The following GRIN2D variants were observed in gnomAD, a reference collection of about 807,000 sequenced individuals.
GRIN2D encodes glutamate ionotropic receptor NMDA type subunit 2D, also known as glutamate receptor ionotropic, NMDA 2D.
A neutral mutation model predicts 103.2 loss-of-function variants in GRIN2D; 37 were observed. The ratio of observed to expected loss-of-function variants is 0.36; its 90% confidence interval spans 0.28 to 0.47. The LOEUF is 0.47. Ranked by LOEUF, GRIN2D falls within the 20% of genes least tolerant of loss-of-function variation. The pLI is 1.00. For synonymous variants in GRIN2D, 845 were observed against 885.6 expected, an observed-to-expected ratio of 0.95 and a Z score of 0.81; for missense variants, 1,557 against 1,910.6, an observed-to-expected ratio of 0.81 and a Z score of 3.45.
chr19:48,405,351 T>C lies in GRIN2D; in HGVS notation c.1083T>C (p.His361=). The C allele has an allele frequency of 6.4e-7, 1 of 1,570,952 alleles. No individual in the cohort carries two copies. Among genetic ancestry groups the C allele is most frequent in the Non-Finnish European group, 8.6e-7 (1 of 1,159,062 alleles). ...GCACCCACCGCGGCGAGAGTCTGCA[T>C]AGGTGAGTGGGGCTGGAATGGGAGG... ...QNRTHRGESL[H]RYFMNITWDN... Residue 361 remains histidine, a splice_region_variant and synonymous_variant, in exon 4 of 14, where the codon CAT becomes CAC. Coordinates refer to ENST00000263269, the MANE Select transcript of GRIN2D (RefSeq NM_000836.4). This position sits in a 1 kb window ranked among gnomAD's most constrained non-coding sequence, Gnocchi z 5.1.
intron 11 of GRIN2D, among the ~76,000 whole-genome samples, chr19:48,427,760 C>T (rs940554015): frequency 1.3e-5 from 2 of 151,962 alleles, no homozygotes; most frequent in African/African-American, 2.4e-5. Context: ...GGATTACAGG[C>T]GTGAGCCACC....
At chr19:48,413,742 G>A (rs963199751) in intron 4 of GRIN2D, among the ~76,000 whole-genome samples, 16 of 150,946 alleles carry the variant, frequency 1.1e-4, no homozygotes, top group Non-Finnish European at 1.9e-4. Context: ...GGAAAGAAAA[G>A]GGGACTCTAG....
chr19:48,426,926 T>TCA (rs1461657051), intron 11 of GRIN2D, among the ~76,000 whole-genome samples: 7 of 152,010 alleles, frequency 4.6e-5, no homozygotes, highest in Non-Finnish European at 7.4e-5. Flanking sequence ...GTACAAGTGT[T>TCA]TGGGGGACAT....
intron 4 of GRIN2D, among the ~76,000 whole-genome samples, chr19:48,407,621 T>C (rs755957902): frequency 5.9e-5 from 9 of 152,198 alleles, no homozygotes; most frequent in Non-Finnish European, 1.2e-4. Context: ...ATTTATTGAT[T>C]GAAACGCCCT....
At position 48,419,444 on chromosome 19, in the gene GRIN2D, G is replaced by C. The variant is rs916206258; in HGVS notation, c.1861+85G>C. On this transcript the variant is annotated intron_variant, in intron 9 of 13. Coordinates refer to ENST00000263269, the MANE Select transcript of GRIN2D (RefSeq NM_000836.4). ...TACATTTCCCAGCAGCCCCTGGAGG[G>C]GGGGCGGTCAAGCTAGGGCCTCTCG... 2.5e-5 allele frequency: 38 copies of C among 1,512,140 alleles called. No individual in the cohort carries two copies. In the Admixed American group the frequency reaches 4.3e-4, roughly 17 times the overall value. 93.7% of individuals were successfully genotyped at this position (1,512,140 alleles called of 1,614,324 possible).
At chr19:48,402,104 G>A (rs1444642269) in intron 3 of GRIN2D, among the ~76,000 whole-genome samples, 2 of 135,996 alleles carry the variant, frequency 1.5e-5, no homozygotes, top group Non-Finnish European at 3.1e-5. Flanking sequence ...GAAAGAAAGA[G>A]AGAAAGAGAA....
At chr19:48,426,224 C>CTTTCTTT (rs1555893889) in intron 11 of GRIN2D, among the ~76,000 whole-genome samples, 1 of 120,118 alleles carries the variant, frequency 8.3e-6, no homozygotes, top group African/African-American at 3.6e-5. Context: ...TTCTTTCTTT[C>CTTTCTTT]TTTTTTTTTT....
intron 11 of GRIN2D, among the ~76,000 whole-genome samples, chr19:48,424,049 C>A (rs1210799259): frequency 1.3e-5 from 2 of 151,988 alleles, no homozygotes; most frequent in Non-Finnish European, 2.9e-5. Context: ...GAACTCCTGA[C>A]ATGAGGTGAT....
chr19:48,427,472 C>CTTTTTTTTTTTTT (rs1038381293), intron 11 of GRIN2D, among the ~76,000 whole-genome samples: 1 of 83,240 alleles, frequency 1.2e-5, no homozygotes. Context: ...ATCTTCTTTT[C>CTTTTTTTTTTTTT]TTTTTTTTTT....
chr19:48,420,405 G>A (rs278056), intron 10 of GRIN2D, among the ~76,000 whole-genome samples: 5,652 of 151,972 alleles, frequency 0.037, 259 homozygotes, highest in East Asian at 0.25. Context: ...TCCAGCCAGC[G>A]CGACAGAGTT....
At chr19:48,396,289 C>T (rs141668180) in intron 2 of GRIN2D, among the ~76,000 whole-genome samples, 1 of 151,898 alleles carries the variant, frequency 6.6e-6, no homozygotes. Context: ...CTCCTCAGGC[C>T]CTGGAGTGGG....
chr19:48,411,312 G>A (rs1159260003), intron 4 of GRIN2D, among the ~76,000 whole-genome samples: 1 of 145,920 alleles, frequency 6.9e-6, no homozygotes, highest in Non-Finnish European at 1.5e-5. Flanking sequence ...GTGACAGAGT[G>A]AGACCCCGTC....
chr19:48,434,345 C>T (rs1406526973), intron 11 of GRIN2D, among the ~76,000 whole-genome samples: 2 of 152,148 alleles, frequency 1.3e-5, no homozygotes, highest in Non-Finnish European at 2.9e-5. Flanking sequence ...CCTCCACCTC[C>T]TGGGATCAAG....
chr19:48,404,857 C>T lies in GRIN2D; in HGVS notation c.589C>T (p.His197Tyr). The T allele has an allele frequency of 6.2e-7, 1 of 1,614,234 alleles. No homozygotes were observed. Among genetic ancestry groups the T allele is most frequent in the Non-Finnish European group, 8.5e-7 (1 of 1,180,048 alleles). The change falls in exon 4 of 14, where the codon CAC becomes TAC. Residue 197 changes from histidine (H) to tyrosine (Y), a missense_variant. Physicochemically the swap from His to Tyr is moderately conservative, Grantham distance 83 (BLOSUM62 2). Coordinates refer to ENST00000263269, the MANE Select transcript of GRIN2D (RefSeq NM_000836.4). ...AGCCGTGACCACTCGTGCCCCTGGCCACCGGGCCTTCCTGTCCTACATTGA... is the reference window on the plus strand; with the variant it reads ...AGCCGTGACCACTCGTGCCCCTGGCTACCGGGCCTTCCTGTCCTACATTGA... ...FVAVTTRAPG[H>Y]RAFLSYIEVL...
chr19:48,429,596 C>T (rs761618357), intron 11 of GRIN2D, among the ~76,000 whole-genome samples: 1 of 152,130 alleles, frequency 6.6e-6, no homozygotes, highest in East Asian at 1.9e-4. Flanking sequence ...GACAGGGTTT[C>T]GCCACGTTGG....
Position 48,442,241 on chromosome 19 carries a change from C to G in GRIN2D, c.2532C>G (p.Asn844Lys). ...TGAGCAGCAAGCTGGACATCGACAACATGGCGGGCGTCTTCTACATGCTCC... is the reference window on the plus strand; with the variant it reads ...TGAGCAGCAAGCTGGACATCGACAAGATGGCGGGCGTCTTCTACATGCTCC... ...EVMSSKLDID[N>K]MAGVFYMLLV... is the part of the protein sequence containing the mutation. The change falls in exon 13 of 14, where the codon AAC (asparagine) becomes AAG (lysine). Residue 844 changes from asparagine to lysine, a missense_variant. Coordinates refer to ENST00000263269, the MANE Select transcript of GRIN2D (RefSeq NM_000836.4). The surrounding 1 kb of genome is among the most constrained non-coding windows in gnomAD (Gnocchi z 7.2). 6.2e-7 allele frequency: 1 copy of G among 1,614,192 alleles called. No individual in the cohort carries two copies. The highest frequency in any genetic ancestry group is 8.5e-7 in the Non-Finnish European group (1 of 1,180,018).
intron 2 of GRIN2D, among the ~76,000 whole-genome samples, chr19:48,396,814 A>G (rs1437410641): frequency 1.3e-5 from 2 of 151,902 alleles, no homozygotes; most frequent in African/African-American, 2.4e-5. Context: ...GGCCTGCGCT[A>G]CCATGGCAAC....
At chr19:48,408,761 A>G (rs983388202) in intron 4 of GRIN2D, among the ~76,000 whole-genome samples, 4 of 151,404 alleles carry the variant, frequency 2.6e-5, no homozygotes, top group Admixed American at 2.6e-4. Context: ...TGAAGGTTGC[A>G]GTGAGCCGAG....
At position 48,442,169 on chromosome 19, in the gene GRIN2D, G is replaced by A; in HGVS notation, c.2460G>A (p.Glu820=). The A allele has an allele frequency of 6.2e-7, 1 of 1,614,198 alleles. No individual in the cohort carries two copies. Among genetic ancestry groups the A allele is most frequent in the Non-Finnish European group, 8.5e-7 (1 of 1,180,018 alleles). The change falls in exon 13 of 14, where the codon GAG becomes GAA. Residue 820 remains glutamate (E), a synonymous_variant. Coordinates refer to ENST00000263269, the MANE Select transcript of GRIN2D (RefSeq NM_000836.4). The surrounding 1 kb of genome is among the most constrained non-coding windows in gnomAD (Gnocchi z 7.2). ...CCCTAGATGAGATCGAGATGCTGGA[G>A]CGGCTGTGGCTCTCTGGGATCTGCC... ...FLGDDEIEML[E]RLWLSGICHN... is the part of the protein sequence containing the mutation.
Sources: gnomAD v4.1 joint callset for allele counts (sites outside exome capture counted in the v4.1 genomes callset) on GRCh38, gnomAD v4.1.1 for gene constraint, Gnocchi (gnomAD v3.1) non-coding constraint, MANE v1.5 for transcripts, NCBI Gene and HGNC (gene_info 2026-07-23, HGNC 2026-07-21) for gene names.